Variants in STPG2 observed in about 807,000 individuals in gnomAD.
STPG2 encodes the protein sperm tail PG-rich repeat containing 2.
A neutral mutation model predicts 54.2 loss-of-function variants in STPG2; 56 were observed. That is an observed-to-expected ratio of 1.03 (90% CI 0.83 to 1.29). STPG2 has a LOEUF of 1.29. STPG2 is among the 50% of genes most tolerant of loss of function. STPG2 has a pLI of 0.00. For synonymous variants in STPG2, 200 were observed against 181.8 expected, an observed-to-expected ratio of 1.10 and a Z score of -0.81; for missense variants, 596 against 544.9, an observed-to-expected ratio of 1.09 and a Z score of -0.93.
chr4:97,545,459 A>C (rs565439652), intron 4 of STPG2, among the ~76,000 whole-genome samples: 35 of 152,234 alleles, frequency 2.3e-4, no homozygotes, highest in Middle Eastern at 3.4e-3. Context: ...AATGTTAAGC[A>C]ATGAGATTGC....
At chr4:97,933,803 T>TC (rs1732641637) in intron 8 of STPG2, among the ~76,000 whole-genome samples, 1 of 152,182 alleles carries the variant, frequency 6.6e-6, no homozygotes, top group Non-Finnish European at 1.5e-5. Context: ...GTGTGATGCC[T>TC]CCAGCTTTGC....
At chr4:97,586,394 G>A (rs747600625) in intron 10 of STPG2, among the ~76,000 whole-genome samples, 1 of 151,942 alleles carries the variant, frequency 6.6e-6, no homozygotes, top group South Asian at 2.1e-4. Context: ...AGACAATAAG[G>A]TTAAAAGTAT....
At chr4:98,038,203 G>C (rs1041080179) in intron 5 of STPG2, among the ~76,000 whole-genome samples, 1 of 151,948 alleles carries the variant, frequency 6.6e-6, no homozygotes, top group Admixed American at 6.6e-5. Context: ...GAGACAAACA[G>C]ATTCTAAAAT....
At chr4:97,495,708 G>GAAAAAAAAAA (rs1730596029) in intron 4 of STPG2, among the ~76,000 whole-genome samples, 1 of 19,386 alleles carries the variant, frequency 5.2e-5, no homozygotes. Flanking sequence ...GGATGGTCAA[G>GAAAAAAAAAA]ACAAAAAAAA....
chr4:98,077,872 A>G (rs1738222250), intron 5 of STPG2, among the ~76,000 whole-genome samples: 1 of 152,168 alleles, frequency 6.6e-6, no homozygotes, highest in African/African-American at 2.4e-5. Context: ...AGAGAGAATC[A>G]CTATGGTAGA....
intron 9 of STPG2, among the ~76,000 whole-genome samples, chr4:97,807,587 G>C (rs1462679179): frequency 6.6e-6 from 1 of 151,874 alleles, no homozygotes; most frequent in African/African-American, 2.4e-5. Flanking sequence ...TGCTGAACTG[G>C]AAGAGTAGTT....
intron 10 of STPG2, among the ~76,000 whole-genome samples, chr4:97,590,474 G>T (rs1733113112): frequency 1.3e-5 from 2 of 152,012 alleles, no homozygotes; most frequent in Non-Finnish European, 2.9e-5. Context: ...GAGGTCGTTT[G>T]TCCTAAGGGC....
intron 4 of STPG2, among the ~76,000 whole-genome samples, chr4:97,541,160 G>A (rs1280038959): frequency 6.6e-6 from 1 of 152,066 alleles, no homozygotes; most frequent in Non-Finnish European, 1.5e-5. Flanking sequence ...TATTCAATTA[G>A]GAAAAGAGGA....
intron 5 of STPG2, among the ~76,000 whole-genome samples, chr4:98,045,103 A>G (rs201798481): frequency 1.0e-4 from 5 of 49,604 alleles, no homozygotes; most frequent in Admixed American, 3.0e-4. Context: ...CTTTAAAAGG[A>G]AAAAAAAAAA....
Position 98,134,370 on chromosome 4 carries a change from G to T in STPG2, c.199C>A (p.His67Asn). The T allele has an allele frequency of 6.3e-7, 1 of 1,577,382 alleles. No homozygotes were observed. The highest frequency in any genetic ancestry group is 1.2e-5 in the South Asian group (1 of 85,608). The part of the protein sequence containing the change: ...SIEKAVPGPG[H>N]YNVSEAQKIS... Reference sequence around the variant, plus strand: ...ACCTGTGCTTCTGAAACATTATAGTGTCCTGGACCTGGAACAGCTTTCTCA... The same window carrying T: ...ACCTGTGCTTCTGAAACATTATAGTTTCCTGGACCTGGAACAGCTTTCTCA... The change falls in exon 2 of 11, where the codon CAC (histidine) becomes AAC (asparagine). Residue 67 changes from histidine (H) to asparagine (N), a missense_variant. By Grantham distance (68) the His-to-Asn change is moderately conservative. Transcript: ENST00000295268.
intron 5 of STPG2, chr4:98,025,621 T>A (rs950315759): frequency 3.9e-6 from 3 of 770,312 alleles, no homozygotes; most frequent in Non-Finnish European, 4.7e-6. Flanking sequence ...GTGCAGCATA[T>A]GCACACGAAC....
chr4:97,470,495 G>A (rs967380167), intron 4 of STPG2, among the ~76,000 whole-genome samples: 1 of 151,990 alleles, frequency 6.6e-6, no homozygotes, highest in African/African-American at 2.4e-5. Flanking sequence ...CATCTGTGGG[G>A]AATATGTTTC....
intron 5 of STPG2, among the ~76,000 whole-genome samples, chr4:98,011,905 G>A (rs761862278): frequency 2.0e-5 from 3 of 152,110 alleles, no homozygotes; most frequent in Non-Finnish European, 4.4e-5. Flanking sequence ...CTATTCTGTA[G>A]GTCGCCTGTT....
chr4:98,097,956 T>G (rs1738910324), intron 5 of STPG2, among the ~76,000 whole-genome samples: 1 of 151,978 alleles, frequency 6.6e-6, no homozygotes, highest in Non-Finnish European at 1.5e-5. Context: ...AAAACACTGA[T>G]GAAAGAAATT....
At chr4:97,849,336 T>A (rs1184867720) in intron 8 of STPG2, among the ~76,000 whole-genome samples, 1 of 151,886 alleles carries the variant, frequency 6.6e-6, no homozygotes, top group Non-Finnish European at 1.5e-5. Flanking sequence ...AACCTAGGCA[T>A]TACCATTCAG....
At chr4:97,895,912 T>C (rs1730936801) in intron 8 of STPG2, among the ~76,000 whole-genome samples, 1 of 151,772 alleles carries the variant, frequency 6.6e-6, no homozygotes. Flanking sequence ...CTTTAAAATA[T>C]AATTTCACAA....
intron 8 of STPG2, among the ~76,000 whole-genome samples, chr4:97,885,353 G>A (rs1200894439): frequency 6.6e-6 from 1 of 152,156 alleles, no homozygotes; most frequent in African/African-American, 2.4e-5. Flanking sequence ...TGGGCATCAT[G>A]ACATCCCCAG....
At chr4:98,059,023 GAA>G (rs1737564375) in intron 5 of STPG2, among the ~76,000 whole-genome samples, 1 of 149,348 alleles carries the variant, frequency 6.7e-6, no homozygotes, top group African/African-American at 2.4e-5. Context: ...ATCAAGACAT[GAA>G]AACCCATTCA....
intron 9 of STPG2, among the ~76,000 whole-genome samples, chr4:97,824,500 A>G (rs1728191771): frequency 6.6e-6 from 1 of 152,122 alleles, no homozygotes; most frequent in Non-Finnish European, 1.5e-5. Context: ...GTCTTTCTGT[A>G]TCTTTCTGTC....
Sources: allele counts gnomAD v4.1 joint callset (sites outside exome capture counted in the v4.1 genomes callset), GRCh38; gene constraint gnomAD v4.1.1; transcripts MANE v1.5; gene names NCBI Gene and HGNC (gene_info 2026-07-23, HGNC 2026-07-21).